BANF2: variants seen among roughly 807,000 people sequenced by gnomAD.
The protein encoded by BANF2 is barrier-to-autointegration factor-like protein.
In BANF2, 4 loss-of-function variants were observed where a neutral mutation model predicts 8.0. The observed-to-expected ratio is 0.50, with a 90% CI of 0.25 to 1.14. The LOEUF is 1.14. Ranked by LOEUF, BANF2 falls within the 50% of genes most tolerant of loss-of-function variation. The pLI is 0.16. For missense variants in BANF2, 96 were observed against 107.5 expected (o/e 0.89, Z 0.47); for synonymous variants, 50 against 40.6 (o/e 1.23, Z -0.88).
At chr20:17,709,444 G>A (rs936667730) in intron 1 of BANF2, among the ~76,000 whole-genome samples, 2 of 152,206 alleles carry the variant, frequency 1.3e-5, no homozygotes, top group African/African-American at 2.4e-5. Context: ...AAGAACAGGA[G>A]GTGAATACAT....
intron 3 of BANF2, among the ~76,000 whole-genome samples, chr20:17,728,563 G>A (rs1353338909): frequency 6.6e-6 from 1 of 152,118 alleles, no homozygotes; most frequent in Non-Finnish European, 1.5e-5. Flanking sequence ...TTTTTTTAAT[G>A]GAGGATGTGG....
At chr20:17,734,565 T>A (rs1038203010) in intron 3 of BANF2, among the ~76,000 whole-genome samples, 1 of 152,184 alleles carries the variant, frequency 6.6e-6, no homozygotes, top group African/African-American at 2.4e-5. Context: ...AAGATGCCAT[T>A]CATCTGTCAG....
rs200250335 is a variant in BANF2 at position 17,722,187 on chromosome 20, TC to T, written c.-166-527del. ...AGGAGGGCAAAAGTCACTGCCTATG[TC>T]CACACCCCAGAGATGTTGCAAGGAT... On this transcript the variant is annotated intron_variant, in intron 1 of 3. Transcript: ENST00000246090. Among the ~76,000 whole-genome samples, 3 of 152,244 alleles carry T rather than the reference TC, an allele frequency of 2.0e-5. No homozygotes were observed. The East Asian group carries it at 5.8e-4, about 29-fold the overall frequency.
chr20:17,714,607 T>C (rs550292285), intron 1 of BANF2, among the ~76,000 whole-genome samples: 1 of 152,324 alleles, frequency 6.6e-6, no homozygotes, highest in Admixed American at 6.5e-5. Flanking sequence ...GCAGGCATGG[T>C]GATCTTAGCA....
intron 1 of BANF2, among the ~76,000 whole-genome samples, chr20:17,722,267 C>G (rs1382739641): frequency 6.6e-6 from 1 of 152,268 alleles, no homozygotes; most frequent in Non-Finnish European, 1.5e-5. Context: ...TGTTACTAAG[C>G]ATTACCCGTC....
upstream of BANF2, chr20:17,699,849 C>A: frequency 3.6e-6 from 1 of 275,236 alleles, no homozygotes; most frequent in Non-Finnish European, 5.5e-6. Context: ...TCCTGCCCTG[C>A]CCTGTGCCCT....
chr20:17,715,098 C>T (rs1361895817), intron 1 of BANF2, among the ~76,000 whole-genome samples: 1 of 152,178 alleles, frequency 6.6e-6, no homozygotes. Context: ...CTCTGCTGGT[C>T]ATTGGTGGAG....
At chr20:17,713,998 G>A (rs957761016) in intron 1 of BANF2, among the ~76,000 whole-genome samples, 27 of 151,928 alleles carry the variant, frequency 1.8e-4, no homozygotes, top group Admixed American at 5.2e-4. Flanking sequence ...CTGCGGTCAG[G>A]AGTTCAAGAC....
chr20:17,715,414 T>C (rs765563403), intron 1 of BANF2, among the ~76,000 whole-genome samples: 1 of 152,184 alleles, frequency 6.6e-6, no homozygotes, highest in Non-Finnish European at 1.5e-5. Flanking sequence ...AACTGTTGAA[T>C]GTATTTGGTT....
chr20:17,726,265 A>C (rs2037808367), intron 3 of BANF2, among the ~76,000 whole-genome samples: 1 of 152,138 alleles, frequency 6.6e-6, no homozygotes, highest in Non-Finnish European at 1.5e-5. Flanking sequence ...GGCTCACTGC[A>C]ACCTCTGCCT....
At chr20:17,693,764 G>A (rs2037319001) in intron 1 of BANF2, 1 of 1,540,256 alleles carries the variant, frequency 6.5e-7, no homozygotes, top group South Asian at 1.2e-5. Flanking sequence ...GCGGGGAAAG[G>A]AGGCAAGGAC....
At chr20:17,710,976 C>T (rs2037562393) in intron 1 of BANF2, among the ~76,000 whole-genome samples, 1 of 152,172 alleles carries the variant, frequency 6.6e-6, no homozygotes, top group Admixed American at 6.5e-5. Flanking sequence ...TCAGGATGCC[C>T]AGTGAAATTT....
At chr20:17,729,794 A>C (rs557577045) in intron 3 of BANF2, among the ~76,000 whole-genome samples, 1 of 152,286 alleles carries the variant, frequency 6.6e-6, no homozygotes, top group East Asian at 1.9e-4. Flanking sequence ...CCACACTCAC[A>C]ATGTTAGTGG....
Position 17,732,363 on chromosome 20 carries a change from C to A in BANF2, c.127-3302C>A, listed in dbSNP as rs552693421. On this transcript the variant is annotated intron_variant, in intron 3 of 3. Transcript: ENST00000246090. ...TAGGGGCATTCTGCCCTTGAGCCCC[C>A]ATCCTTTTGTTTGTTTGTTTCGAGA... Among the ~76,000 whole-genome samples the A allele has an allele frequency of 7.9e-5, 12 of 152,296 alleles. No homozygotes were observed. The South Asian group carries it at 2.5e-3, about 32-fold the overall frequency.
chr20:17,715,230 T>C (rs2037633591), intron 1 of BANF2, among the ~76,000 whole-genome samples: 1 of 152,142 alleles, frequency 6.6e-6, no homozygotes, highest in African/African-American at 2.4e-5. Flanking sequence ...CCTGAAAAGG[T>C]GAGCCCTGCC....
chr20:17,714,842 A>T (rs2037628249), intron 1 of BANF2, among the ~76,000 whole-genome samples: 1 of 152,150 alleles, frequency 6.6e-6, no homozygotes, highest in African/African-American at 2.4e-5. Context: ...GCCTCATGTC[A>T]GTTCAGGCCA....
chr20:17,707,818 G>C (rs1787203821), intron 1 of BANF2, among the ~76,000 whole-genome samples: 2 of 151,808 alleles, frequency 1.3e-5, no homozygotes, highest in South Asian at 4.1e-4. Flanking sequence ...GACCTCAGAT[G>C]ATCCACCCAC....
chr20:17,709,550 T>C (rs1200498721), intron 1 of BANF2, among the ~76,000 whole-genome samples: 1 of 152,148 alleles, frequency 6.6e-6, no homozygotes, highest in African/African-American at 2.4e-5. Context: ...GATGCCCCTT[T>C]GTTTTGGGGC....
At chr20:17,696,286 T>C (rs1454313007), upstream of BANF2, among the ~76,000 whole-genome samples, 2 of 152,218 alleles carry the variant, frequency 1.3e-5, no homozygotes, top group Non-Finnish European at 2.9e-5. Flanking sequence ...ATTACAGGCA[T>C]GAACCACCAC....
Sources: gnomAD v4.1 joint callset for allele counts (sites outside exome capture counted in the v4.1 genomes callset) on GRCh38, gnomAD v4.1.1 for gene constraint, MANE v1.5 for transcripts, NCBI Gene and HGNC (gene_info 2026-07-23, HGNC 2026-07-21) for gene names.